Variants in ASCC3 observed in about 807,000 individuals in gnomAD.
ASCC3 encodes ASC-1 complex subunit P200.
In ASCC3, 158 loss-of-function variants were observed where a neutral mutation model predicts 256.3. That is an observed-to-expected ratio of 0.62 (90% CI 0.54 to 0.70). ASCC3 has a LOEUF of 0.70. ASCC3 is among the 30% of genes least tolerant of loss of function. The pLI is 0.00. For missense variants in ASCC3, 2,259 were observed against 2,626.0 expected, an observed-to-expected ratio of 0.86 and a Z score of 3.05; for synonymous variants, 948 against 883.4, an observed-to-expected ratio of 1.07 and a Z score of -1.30.
chr6:100,795,759 G>C (rs1008070638), intron 8 of ASCC3, among the ~76,000 whole-genome samples: 2 of 152,084 alleles, frequency 1.3e-5, no homozygotes, highest in Non-Finnish European at 2.9e-5. Context: ...GGACATAAAA[G>C]CATCTTAGGA....
intron 36 of ASCC3, among the ~76,000 whole-genome samples, chr6:100,568,674 T>C (rs1024620556): frequency 2.6e-5 from 4 of 151,460 alleles, no homozygotes; most frequent in Non-Finnish European, 5.9e-5. Flanking sequence ...TCTTTTGCTG[T>C]GCAGAAGCTC....
At position 100,608,507 on chromosome 6, in the gene ASCC3, T is replaced by A. The variant is rs1324616487; in HGVS notation, c.4786-1419A>T. On this transcript the variant is annotated intron_variant, in intron 30 of 41. Transcript: ENST00000369162. ...TATATATACTTTATATATATATACT[T>A]TATATATATACTTTATATATATATA... Among the ~76,000 whole-genome samples the A allele has an allele frequency of 3.4e-4, 2 of 5,892 alleles. 1 individual carries two copies. Among genetic ancestry groups the A allele is most frequent in the Non-Finnish European group, 6.6e-4 (2 of 3,034 alleles). 3.9% of individuals were successfully genotyped at this position (5,892 alleles called of 152,430 possible).
At chr6:100,767,461 T>A in intron 8 of ASCC3, 116 bp from the exon 9 acceptor site, 1 of 1,047,490 alleles carries the variant, frequency 9.5e-7, no homozygotes, top group Non-Finnish European at 1.4e-6. Flanking sequence ...AATTTGTACT[T>A]TCACAATGTG....
intron 4 of ASCC3, among the ~76,000 whole-genome samples, chr6:100,812,432 A>C (rs1165519350): frequency 6.6e-6 from 1 of 152,158 alleles, no homozygotes; most frequent in African/African-American, 2.4e-5. Context: ...TGATTAAAGA[A>C]TTAAACAATG....
At chr6:100,539,740 GTCTT>G (rs1217106534) in intron 37 of ASCC3, among the ~76,000 whole-genome samples, 4 of 151,582 alleles carry the variant, frequency 2.6e-5, no homozygotes, top group Non-Finnish European at 5.9e-5. Flanking sequence ...ATTACCCTCC[GTCTT>G]TCTCTTTATT....
At chr6:100,793,475 G>C (rs1353677777) in intron 8 of ASCC3, among the ~76,000 whole-genome samples, 4 of 151,820 alleles carry the variant, frequency 2.6e-5, no homozygotes, top group African/African-American at 9.7e-5. Flanking sequence ...CCATGGCCTT[G>C]AAATCACAGC....
chr6:100,587,756 C>T (rs886530538), intron 36 of ASCC3, among the ~76,000 whole-genome samples: 3 of 152,050 alleles, frequency 2.0e-5, no homozygotes, highest in African/African-American at 4.8e-5. Context: ...AAAAATATAC[C>T]GGCATAACTG....
At chr6:100,802,371 T>C (rs1769961153) in intron 5 of ASCC3, among the ~76,000 whole-genome samples, 1 of 151,994 alleles carries the variant, frequency 6.6e-6, no homozygotes, top group Non-Finnish European at 1.5e-5. Context: ...GCTCCTGATG[T>C]GTAAGATGCC....
chr6:100,678,213 T>A (rs951478767), intron 14 of ASCC3, among the ~76,000 whole-genome samples: 1 of 152,132 alleles, frequency 6.6e-6, no homozygotes, highest in African/African-American at 2.4e-5. Context: ...TTGAGATGGA[T>A]AAAGAAACCA....
intron 30 of ASCC3, among the ~76,000 whole-genome samples, chr6:100,622,450 A>G (rs1344138427): frequency 1.3e-5 from 2 of 152,020 alleles, no homozygotes; most frequent in Non-Finnish European, 2.9e-5. Flanking sequence ...TTCCACCATG[A>G]TGGTAAGTTT....
intron 25 of ASCC3, among the ~76,000 whole-genome samples, chr6:100,636,868 T>G (rs1488136295): frequency 6.6e-6 from 1 of 151,846 alleles, no homozygotes; most frequent in African/African-American, 2.4e-5. Context: ...AGGCTGAGAG[T>G]GGTGAGGACA....
chr6:100,608,125 TAC>T (rs1773055685), intron 30 of ASCC3, among the ~76,000 whole-genome samples: 2 of 113,676 alleles, frequency 1.8e-5, no homozygotes, highest in African/African-American at 3.3e-5. Context: ...TATCTATATA[TAC>T]ATATATATGT....
At chr6:100,754,659 C>T (rs1395331098) in intron 10 of ASCC3, among the ~76,000 whole-genome samples, 1 of 152,094 alleles carries the variant, frequency 6.6e-6, no homozygotes, top group Non-Finnish European at 1.5e-5. Context: ...CAATGATTTT[C>T]AATTCAATTG....
intron 19 of ASCC3, among the ~76,000 whole-genome samples, 196 bp from the exon 20 acceptor site, chr6:100,650,910 T>C (rs944095970): frequency 2.0e-5 from 3 of 151,876 alleles, no homozygotes; most frequent in South Asian, 2.1e-4. Context: ...TTGAGGCTGA[T>C]ACAATTACAT....
At chr6:100,511,926 T>G (rs149599609) in intron 40 of ASCC3, among the ~76,000 whole-genome samples, 1 of 152,148 alleles carries the variant, frequency 6.6e-6, no homozygotes, top group East Asian at 1.9e-4. Flanking sequence ...CCCTGAGGGC[T>G]TATTCTAGAT....
At chr6:100,770,603 A>G (rs1451316523) in intron 8 of ASCC3, among the ~76,000 whole-genome samples, 2 of 152,066 alleles carry the variant, frequency 1.3e-5, no homozygotes, top group African/African-American at 4.8e-5. Flanking sequence ...GATGGAATCT[A>G]CAAAAGAGCT....
intron 1 of ASCC3, among the ~76,000 whole-genome samples, chr6:100,869,565 A>G (rs866638147): frequency 6.6e-6 from 1 of 152,226 alleles, no homozygotes; most frequent in African/African-American, 2.4e-5. Context: ...GGGTTAAGCA[A>G]CAGCTAAAAA....
chr6:100,759,039 T>C lies in ASCC3; in HGVS notation c.1737+7526A>G, dbSNP rs185799764. On this transcript the variant is annotated intron_variant, in intron 10 of 41. Transcript: ENST00000369162. ...ATGTTTGTCGTCCACATAAATGTCT[T>C]CTTTTGAGAAGTGTCTGTTCATATC... 5.9e-5 allele frequency among the ~76,000 whole-genome samples: 9 copies of C among 152,352 alleles called. No individual in the cohort carries two copies. The East Asian group carries it at 1.7e-3, about 29-fold the overall frequency.
chr6:100,580,815 G>A (rs1296181634), intron 36 of ASCC3, among the ~76,000 whole-genome samples: 3 of 143,464 alleles, frequency 2.1e-5, no homozygotes, highest in Non-Finnish European at 3.0e-5. Flanking sequence ...TCCCACCTAT[G>A]AGTGAGAATA....
Sources: allele counts gnomAD v4.1 joint callset (sites outside exome capture counted in the v4.1 genomes callset), GRCh38; gene constraint gnomAD v4.1.1; transcripts MANE v1.5; gene names NCBI Gene and HGNC (gene_info 2026-07-23, HGNC 2026-07-21).